Variants in HOMER2 observed in about 807,000 individuals in gnomAD.
HOMER2 encodes the protein homer scaffold protein 2, also known as homer protein homolog 2.
HOMER2 carries 27 observed loss-of-function variants against 47.0 expected under a neutral mutation model. The ratio of observed to expected loss-of-function variants is 0.57; its 90% CI spans 0.42 to 0.79. The LOEUF (loss-of-function observed/expected upper bound fraction) is 0.79, where lower values mean the gene tolerates loss of function less well. Among genes scored for constraint, HOMER2 ranks in the 30% least tolerant of loss-of-function variants. The pLI, the probability that HOMER2 is intolerant of heterozygous loss-of-function variation, is 0.00. For missense variants in HOMER2, 443 were observed against 435.0 expected (o/e 1.02, Z -0.16); for synonymous variants, 161 against 163.8 (o/e 0.98, Z 0.13).
chr15:82,977,663 T>C (rs1285833604), intron 1 of HOMER2, among the ~76,000 whole-genome samples: 4 of 152,178 alleles, frequency 2.6e-5, no homozygotes, highest in Admixed American at 2.6e-4. Flanking sequence ...ACATGGCCCC[T>C]GGACTCTTAG....
intron 1 of HOMER2, among the ~76,000 whole-genome samples, chr15:82,905,873 G>T (rs1567045604): frequency 6.6e-6 from 1 of 152,178 alleles, no homozygotes; most frequent in Non-Finnish European, 1.5e-5. Flanking sequence ...CATAAAAAAA[G>T]AGCATCAGAG....
chr15:82,906,861 TAAGAGC>T (rs2053300827), intron 1 of HOMER2, among the ~76,000 whole-genome samples: 1 of 152,086 alleles, frequency 6.6e-6, no homozygotes, highest in African/African-American at 2.4e-5. Flanking sequence ...AGAGCAGACT[TAAGAGC>T]AAGGAAAGTT....
chr15:82,960,931 TTGTC>T (rs1381277460), intron 1 of HOMER2, among the ~76,000 whole-genome samples: 1 of 152,216 alleles, frequency 6.6e-6, no homozygotes, highest in African/African-American at 2.4e-5. Context: ...GCTTTAGACT[TTGTC>T]TGTTCCACAA....
rs35323193 is a variant in HOMER2 at position 82,905,279 on chromosome 15, GA to G, written c.6-12439del. Among the ~76,000 whole-genome samples the G allele has an allele frequency of 6.0e-3, 811 of 134,266 alleles. 6 individuals carry two copies. The highest frequency in any genetic ancestry group is 0.012 in the Admixed American group (163 of 13,608). 88.1% of individuals were successfully genotyped at this position (134,266 alleles called of 152,430 possible). ...AACTAAAAAGCAAAGAGAAAAGACT[GA>G]AAAAAAAAAAACCACCAAAAAACAG... On this transcript the variant is annotated intron_variant, in intron 1 of 8. Transcript: ENST00000450735.
chr15:82,875,580 T>C (rs1407336906), intron 2 of HOMER2, among the ~76,000 whole-genome samples, 176 bp from the exon 3 acceptor site: 1 of 152,198 alleles, frequency 6.6e-6, no homozygotes, highest in Non-Finnish European at 1.5e-5. Flanking sequence ...CAACCCATGC[T>C]GAGTCAGATA....
At chr15:82,836,883 T>TA (rs550140305), downstream of HOMER2, 5 of 152,376 alleles carry the variant, frequency 3.3e-5, no homozygotes, top group East Asian at 9.6e-4. Flanking sequence ...ATAGGGTGTG[T>TA]AAAAGCACAT....
Position 82,854,633 on chromosome 15 carries a change from A to G in HOMER2, c.651+11T>C. On this transcript the variant is annotated intron_variant, in intron 6 of 8. Transcript: ENST00000450735. Reference sequence around the variant, plus strand: ...GCTGGCCTCGGGGCTCACTGCATCCACCGTACCCACCTTGTTGCGGAGCCG... The same window carrying G: ...GCTGGCCTCGGGGCTCACTGCATCCGCCGTACCCACCTTGTTGCGGAGCCG... The G allele has an allele frequency of 6.2e-7, 1 of 1,608,558 alleles. No individual in the cohort carries two copies. Among genetic ancestry groups the G allele is most frequent in the African/African-American group, 1.3e-5 (1 of 74,944 alleles).
chr15:82,851,727 A>G lies in HOMER2; in HGVS notation c.762+415T>C, dbSNP rs182256628. 4.4e-4 allele frequency among the ~76,000 whole-genome samples: 67 copies of G among 152,350 alleles called. No individual in the cohort carries two copies. The East Asian group carries it at 0.012, about 28-fold the overall frequency. ...GGGCGGAATGCTTCAGCCCAGTTCAAGACCAGCCTGGGCAACATAATGAGA... is the reference window on the plus strand; with the variant it reads ...GGGCGGAATGCTTCAGCCCAGTTCAGGACCAGCCTGGGCAACATAATGAGA... On this transcript the variant is annotated intron_variant, in intron 7 of 8. Coordinates refer to ENST00000450735, the MANE Select transcript of HOMER2 (RefSeq NM_004839.4).
intron 1 of HOMER2, chr15:82,898,579 A>G (rs1273910784): frequency 6.6e-6 from 1 of 152,206 alleles, no homozygotes; most frequent in Non-Finnish European, 1.5e-5. Flanking sequence ...ATAAACACCA[A>G]TTGCTGTTCA....
chr15:82,965,495 C>T (rs181708446), intron 1 of HOMER2, among the ~76,000 whole-genome samples: 2 of 152,274 alleles, frequency 1.3e-5, no homozygotes, highest in East Asian at 1.9e-4. Context: ...CTCTGAGGTA[C>T]TATTCTCTAA....
rs1266915471 is a variant in HOMER2, at chr15:82,864,743, G to C, written c.295-484C>G. On this transcript the variant is annotated intron_variant, in intron 3 of 8. Coordinates refer to ENST00000450735, the MANE Select transcript of HOMER2 (RefSeq NM_004839.4). ...GTTAAATCTAGGTAATGTGTATATG[G>C]GTGTTCATTATACTATGCCCTCCAC... is the stretch of plus-strand genomic sequence containing the variant. Among the ~76,000 whole-genome samples the C allele has an allele frequency of 2.0e-5, 3 of 152,218 alleles. No homozygotes were observed. In the East Asian group the frequency reaches 5.8e-4, roughly 29 times the overall value.
intron 5 of HOMER2, among the ~76,000 whole-genome samples, chr15:82,856,882 A>G (rs768592069): frequency 6.6e-4 from 101 of 152,174 alleles, no homozygotes; most frequent in Admixed American, 1.5e-3. Flanking sequence ...TCCTGAAGAG[A>G]CTGTGAGTGC....
chr15:82,863,275 C>G (rs978903650), intron 4 of HOMER2, among the ~76,000 whole-genome samples: 1 of 152,158 alleles, frequency 6.6e-6, no homozygotes, highest in Non-Finnish European at 1.5e-5. Context: ...TCCCTGCCTG[C>G]CTTACCATCT....
intron 2 of HOMER2, among the ~76,000 whole-genome samples, chr15:82,882,109 C>T (rs1242133128): frequency 6.6e-6 from 1 of 152,238 alleles, no homozygotes; most frequent in Non-Finnish European, 1.5e-5. Flanking sequence ...TGCCTATTGG[C>T]ATGTGCCACA....
intron 1 of HOMER2, among the ~76,000 whole-genome samples, chr15:82,970,643 A>G (rs143068496): frequency 6.6e-6 from 1 of 152,338 alleles, no homozygotes; most frequent in African/African-American, 2.4e-5. Flanking sequence ...TATAGCATTC[A>G]TGTCGAATGT....
chr15:82,862,199 A>C (rs975614713), intron 4 of HOMER2, among the ~76,000 whole-genome samples: 15 of 152,044 alleles, frequency 9.9e-5, no homozygotes, highest in African/African-American at 2.9e-4. Context: ...CGCTGTACCC[A>C]GCCTTAAAAA....
At chr15:82,851,572 T>C (rs1157391464) in intron 7 of HOMER2, among the ~76,000 whole-genome samples, 1 of 152,166 alleles carries the variant, frequency 6.6e-6, no homozygotes, top group African/African-American at 2.4e-5. Flanking sequence ...AATAAATGAC[T>C]GTAGGCCAGG....
chr15:82,853,946 C>A (rs1320587942), intron 6 of HOMER2, among the ~76,000 whole-genome samples: 1 of 152,158 alleles, frequency 6.6e-6, no homozygotes, highest in Admixed American at 6.5e-5. Context: ...GCGCAACTCA[C>A]CATCTCCCAA....
intron 4 of HOMER2, among the ~76,000 whole-genome samples, chr15:82,862,936 G>A (rs1381083733): frequency 6.6e-6 from 1 of 152,016 alleles, no homozygotes; most frequent in East Asian, 1.9e-4. Context: ...GACATATTGG[G>A]CATACTCCCT....
Sources: allele counts gnomAD v4.1 joint callset (sites outside exome capture counted in the v4.1 genomes callset), GRCh38; gene constraint gnomAD v4.1.1; transcripts MANE v1.5; gene names NCBI Gene and HGNC (gene_info 2026-07-23, HGNC 2026-07-21).